The following CPNE7 variants were observed in gnomAD, a reference collection of about 807,000 sequenced individuals.
The protein encoded by CPNE7 is copine 7.
A neutral mutation model predicts 66.5 loss-of-function variants in CPNE7; 78 were observed. The observed-to-expected ratio is 1.17, with a 90% CI of 0.98 to 1.42. The LOEUF is 1.42. Ranked by LOEUF, CPNE7 falls within the 40% of genes most tolerant of loss-of-function variation. The pLI is 0.00. For synonymous variants in CPNE7, 468 were observed against 336.7 expected (o/e 1.39, Z -4.27); for missense variants, 1,012 against 776.6 (o/e 1.30, Z -3.60).
chr16:89,595,100 A>G (rs1368979702), intron 13 of CPNE7, among the ~76,000 whole-genome samples: 1 of 151,782 alleles, frequency 6.6e-6, no homozygotes, highest in African/African-American at 2.4e-5. Flanking sequence ...TAAAATGTAG[A>G]CTTCGTAGCA....
chr16:89,580,317 A>G (rs1251715085), intron 2 of CPNE7, among the ~76,000 whole-genome samples: 41 of 121,228 alleles, frequency 3.4e-4, no homozygotes, highest in East Asian at 7.6e-4. Flanking sequence ...CCGCTGACAC[A>G]GAACATCTCA....
At chr16:89,591,405 C>T in intron 13 of CPNE7, 145 bp downstream of exon 13, 2 of 1,198,184 alleles carry the variant, frequency 1.7e-6, no homozygotes, top group Non-Finnish European at 2.3e-6. Context: ...GGCGGGGGCC[C>T]AGCTGGTTGA....
intron 13 of CPNE7, among the ~76,000 whole-genome samples, chr16:89,592,095 C>A (rs4448938): frequency 0.31 from 45,234 of 146,752 alleles, 8,816 homozygotes; most frequent in East Asian, 0.82. Flanking sequence ...TGCAACCTCC[C>A]CCTCCCAGGT....
intron 10 of CPNE7, 85 bp downstream of exon 10, chr16:89,588,893 G>A (rs1418271542): frequency 5.4e-5 from 84 of 1,550,584 alleles, no homozygotes; most frequent in Non-Finnish European, 7.1e-5. Flanking sequence ...TCACCCCCCT[G>A]GTCTCCAGGT....
chr16:89,591,626 A>G (rs1012505473), intron 13 of CPNE7, among the ~76,000 whole-genome samples: 3 of 152,106 alleles, frequency 2.0e-5, no homozygotes, highest in African/African-American at 7.2e-5. Flanking sequence ...CGAGAACTGC[A>G]CTGGATTCTA....
Position 89,577,562 on chromosome 16 carries a change from G to C in CPNE7, c.198G>C (p.Arg66=), listed in dbSNP as rs2058879773. 6.4e-7 allele frequency: 1 copy of C among 1,551,964 alleles called. No individual in the cohort carries two copies. The highest frequency in any genetic ancestry group is 2.4e-5 in the East Asian group (1 of 40,956). ...WVQVGRTEVV[R]SSLHPVFSKV... The stretch of plus-strand genomic sequence containing the variant: ...AGGTGGGCAGAACCGAGGTGGTCCG[G>C]AGCAGCCTGCATCCCGTGTTCTCCA... Residue 66 remains arginine, a synonymous_variant, in exon 2 of 15, where the codon CGG becomes CGC. Coordinates refer to ENST00000319518, the MANE Select transcript of CPNE7 (RefSeq NM_153636.3).
chr16:89,575,909 C>G lies in CPNE7; in HGVS notation c.12C>G (p.Gly4=). Residue 4 remains glycine (G), a synonymous_variant, in exon 1 of 15, where the codon GGC becomes GGG. Coordinates refer to ENST00000319518, the MANE Select transcript of CPNE7 (RefSeq NM_153636.3). ...CGAACGCCGGGAGCATGAGCGCGGGCTCGGAGCGCGGGGCGGCGGCAACCC... is the reference window on the plus strand; with the variant it reads ...CGAACGCCGGGAGCATGAGCGCGGGGTCGGAGCGCGGGGCGGCGGCAACCC... The part of the protein sequence containing the change: MSA[G]SERGAAATPG... 1 of 1,242,580 alleles carries G rather than the reference C, an allele frequency of 8.0e-7. No homozygotes were observed. Among genetic ancestry groups the G allele is most frequent in the Non-Finnish European group, 1.0e-6 (1 of 992,256 alleles). The allele number at this position is 1,242,580 out of a possible 1,614,324, so 77.0% of individuals were successfully genotyped here. A position where few individuals can be genotyped will look rare whatever the true frequency, so the allele number is the denominator to read the frequency against.
chr16:89,585,545 C>A lies in CPNE7; in HGVS notation c.673C>A (p.Pro225Thr), dbSNP rs150443459. 2.4e-5 allele frequency: 38 copies of A among 1,610,250 alleles called. No individual in the cohort carries two copies. The highest frequency in any genetic ancestry group is 3.1e-5 in the Non-Finnish European group (37 of 1,178,588). The change falls in exon 6 of 15, where the codon CCT (proline) becomes ACT (threonine). Residue 225 changes from proline (P) to threonine (T), a missense_variant. Physicochemically the swap from Pro to Thr is conservative, Grantham distance 38. Transcript: ENST00000319518. ...SSLCSCEETR[P>T]LKCLVWDYDS... ...CCTCTGCAGCTGCGAGGAGACAAGG[C>A]CTCTAAAGGTGGGGGACGGGATGGA...
chr16:89,587,177 C>T (rs1276507457), intron 9 of CPNE7, 75 bp downstream of exon 9: 5 of 672,140 alleles, frequency 7.4e-6, no homozygotes, highest in Non-Finnish European at 1.2e-5. Context: ...CAGTCCGTGG[C>T]CCCGCCCCTC....
At position 89,595,528 on chromosome 16, in the gene CPNE7, C is replaced by G. The variant is rs781353019; in HGVS notation, c.1464C>G (p.Gly488=). Reference sequence around the variant, plus strand: ...TGCAGGTCCTGGACGGCGACGACGGCGTCCTGCGCTCCCCACGGGGTGAGC... The same window carrying G: ...TGCAGGTCCTGGACGGCGACGACGGGGTCCTGCGCTCCCCACGGGGTGAGC... The part of the protein sequence containing the change: ...TDMQVLDGDD[G]VLRSPRGEPA... The change falls in exon 14 of 15, where the codon GGC becomes GGG. Residue 488 remains glycine (G), a synonymous_variant. Coordinates refer to ENST00000319518, the MANE Select transcript of CPNE7 (RefSeq NM_153636.3). 1 of 1,612,592 alleles carries G rather than the reference C, an allele frequency of 6.2e-7. No individual in the cohort carries two copies. The highest frequency in any genetic ancestry group is 1.7e-5 in the Admixed American group (1 of 60,000).
chr16:89,589,687 G>T (rs1048946782), intron 10 of CPNE7, among the ~76,000 whole-genome samples: 1 of 152,156 alleles, frequency 6.6e-6, no homozygotes, highest in Non-Finnish European at 1.5e-5. Flanking sequence ...AGGCAGGCTC[G>T]CGGGCGGCAG....
At position 89,596,582 on chromosome 16, in the gene CPNE7, T is replaced by C. The variant is rs694285; in HGVS notation, c.1638T>C (p.Gly546=). The part of the protein sequence containing the change: ...SHRGLPPRSL[G]VPAGEASPGC... Reference sequence around the variant, plus strand: ...GAGGCCTGCCCCCGAGAAGCCTGGGTGTCCCTGCCGGAGAGGCCAGCCCAG... The same window carrying C: ...GAGGCCTGCCCCCGAGAAGCCTGGGCGTCCCTGCCGGAGAGGCCAGCCCAG... The change falls in exon 15 of 15, where the codon GGT becomes GGC. Residue 546 remains glycine (G), a synonymous_variant. Transcript: ENST00000319518. The C allele has an allele frequency of 0.24, 379,615 of 1,606,694 alleles. 58,334 individuals are homozygous for C. The highest frequency in any genetic ancestry group is 0.8 in the East Asian group (35,781 of 44,828).
At chr16:89,586,894 G>A (rs2059049797) in intron 8 of CPNE7, 138 bp downstream of exon 8, 8 of 1,097,162 alleles carry the variant, frequency 7.3e-6, no homozygotes, top group Non-Finnish European at 1.1e-5. Context: ...GACGGGGAAG[G>A]GCGAGGTTGG....
rs1266310782 is a variant in CPNE7 at position 89,584,572 on chromosome 16, G to A, written c.508-202G>A. On this transcript the variant is annotated intron_variant, in intron 4 of 14. Coordinates refer to ENST00000319518, the MANE Select transcript of CPNE7 (RefSeq NM_153636.3). This position sits in a 1 kb window ranked among gnomAD's most constrained non-coding sequence, Gnocchi z 6.0. Reference sequence around the variant, plus strand: ...GGTGTGCAGGGTGACTCCATGGAGGGCTGAGTTGCCCGCCGTGGTCAGATC... The same window carrying A: ...GGTGTGCAGGGTGACTCCATGGAGGACTGAGTTGCCCGCCGTGGTCAGATC... 1.3e-5 allele frequency among the ~76,000 whole-genome samples: 2 copies of A among 151,958 alleles called. No individual in the cohort carries two copies. The highest frequency in any genetic ancestry group is 2.9e-5 in the Non-Finnish European group (2 of 67,936).
intron 2 of CPNE7, 69 bp from the exon 3 acceptor site, chr16:89,583,628 G>A (rs904958591): frequency 3.9e-5 from 63 of 1,607,950 alleles, no homozygotes; most frequent in Non-Finnish European, 4.4e-5. Flanking sequence ...GGGTGAGGGC[G>A]CGGTGGGGTC....
intron 9 of CPNE7, chr16:89,587,556 A>T (rs1452245630): frequency 2.2e-6 from 1 of 449,300 alleles, no homozygotes; most frequent in East Asian, 7.1e-5. Context: ...TTAACAACAG[A>T]CAAAACGTGA....
chr16:89,587,120 C>G lies in CPNE7; in HGVS notation c.927+18C>G, dbSNP rs911161462. On this transcript the variant is annotated intron_variant, in intron 9 of 14. Coordinates refer to ENST00000319518, the MANE Select transcript of CPNE7 (RefSeq NM_153636.3). Reference sequence around the variant, plus strand: ...ACTTCACCGTGAGTCCATGGCCCCGCCCCATGCCGCCCCCTCAGTCCGTGG... The same window carrying G: ...ACTTCACCGTGAGTCCATGGCCCCGGCCCATGCCGCCCCCTCAGTCCGTGG... 3 of 1,454,020 alleles carry G rather than the reference C, an allele frequency of 2.1e-6. No individual in the cohort carries two copies. In the African/African-American group the frequency reaches 4.4e-5, roughly 21 times the overall value. The allele number at this position is 1,454,020 out of a possible 1,614,324, so 90.1% of individuals were successfully genotyped here.
intron 13 of CPNE7, among the ~76,000 whole-genome samples, chr16:89,594,996 G>A (rs1270458002): frequency 1.3e-5 from 2 of 152,118 alleles, no homozygotes; most frequent in African/African-American, 4.8e-5. Context: ...TGGAGAGACT[G>A]GAGCAGGGTG....
Position 89,585,495 on chromosome 16 carries a change from AG to A in CPNE7, c.625del (p.Ala209ProfsTer6), listed in dbSNP as rs771125336. The A allele has an allele frequency of 1.2e-6, 2 of 1,612,072 alleles. No individual in the cohort carries two copies. The highest frequency in any genetic ancestry group is 1.7e-6 in the Non-Finnish European group (2 of 1,179,478). ...AAGAACAACCTGAACCCGGTGTGGG[AG>A]GCCTTCAAAGTCTCTCTGAGTTCCC... ...VVKNNLNPVW[E>X]AFKVSLSSLC... On this transcript the variant is annotated frameshift_variant, in exon 6 of 15. Transcript: ENST00000319518. LOFTEE classifies it high-confidence loss of function.
Sources: allele counts gnomAD v4.1 joint callset (sites outside exome capture counted in the v4.1 genomes callset), GRCh38; gene constraint gnomAD v4.1.1; non-coding constraint Gnocchi (gnomAD v3.1); transcripts MANE v1.5; gene names NCBI Gene and HGNC (gene_info 2026-07-23, HGNC 2026-07-21).